Variants in PRKDC observed in about 807,000 individuals in gnomAD.
The protein encoded by PRKDC is DNA-dependent protein kinase catalytic subunit.
A neutral mutation model predicts 486.9 loss-of-function variants in PRKDC; 82 were observed. The observed-to-expected ratio is 0.17, with a 90% CI of 0.14 to 0.20. The LOEUF (loss-of-function observed/expected upper bound fraction) is 0.20, where lower values mean the gene tolerates loss of function less well. Ranked by LOEUF, PRKDC falls within the 10% of genes least tolerant of loss-of-function variation. PRKDC has a pLI of 1.00. For missense variants in PRKDC, 4,504 were observed against 5,038.2 expected, an observed-to-expected ratio of 0.89 and a Z score of 3.21; for synonymous variants, 1,895 against 1,837.0, an observed-to-expected ratio of 1.03 and a Z score of -0.81.
At position 47,953,927 on chromosome 8, in the gene PRKDC, GA is replaced by G. The variant is rs1272144843; in HGVS notation, c.509-9del. Reference sequence around the variant, plus strand: ...CATATACTTTTTCTAAAACTGAAAAGAAAATTTTAGACAAGTGAAGGCCTCA... The same window carrying G: ...CATATACTTTTTCTAAAACTGAAAAGAAATTTTAGACAAGTGAAGGCCTCA... On this transcript the variant is annotated splice_polypyrimidine_tract_variant and intron_variant, in intron 5 of 85. Transcript: ENST00000314191. 1 of 1,498,010 alleles carries G rather than the reference GA, an allele frequency of 6.7e-7. No homozygotes were observed. The allele number at this position is 1,498,010 out of a possible 1,614,324, so 92.8% of individuals were successfully genotyped here.
At chr8:47,949,308 C>A (rs111239141) in intron 7 of PRKDC, among the ~76,000 whole-genome samples, 13 of 152,328 alleles carry the variant, frequency 8.5e-5, no homozygotes, top group African/African-American at 2.9e-4. Flanking sequence ...ACCCTGGTGG[C>A]CATTATTCTC....
At chr8:47,893,117 G>C in intron 31 of PRKDC, 22 bp downstream of exon 31, 1 of 1,565,980 alleles carries the variant, frequency 6.4e-7, no homozygotes, top group Non-Finnish European at 8.7e-7. Context: ...ACACACACCA[G>C]AATAAGGCAA....
chr8:47,812,507 T>G (rs1265271916), intron 68 of PRKDC, among the ~76,000 whole-genome samples: 2 of 152,172 alleles, frequency 1.3e-5, no homozygotes, highest in Non-Finnish European at 2.9e-5. Flanking sequence ...TTAAAACACT[T>G]AAATATTTAA....
Position 47,877,753 on chromosome 8 carries a change from A to G in PRKDC, c.5334T>C (p.Phe1778=). The change falls in exon 40 of 86, where the codon TTT becomes TTC. Residue 1778 remains phenylalanine (F), a synonymous_variant. Transcript: ENST00000314191. ...REQQHVMEEL[F]QSSFRRIARR... ...TGGCAATCCTCCTGAAACTGGATTGAAATAATTCTTCCATGACATGCTGCT... is the reference window on the plus strand; with the variant it reads ...TGGCAATCCTCCTGAAACTGGATTGGAATAATTCTTCCATGACATGCTGCT... 1 of 1,594,796 alleles carries G rather than the reference A, an allele frequency of 6.3e-7. No homozygotes were observed. Among genetic ancestry groups the G allele is most frequent in the South Asian group, 1.1e-5 (1 of 87,604 alleles).
rs372587440 is a variant in PRKDC, at chr8:47,823,961, C to T, written c.8819G>A (p.Arg2940His). 9.3e-6 allele frequency: 15 copies of T among 1,613,182 alleles called. No individual in the cohort carries two copies. Among genetic ancestry groups the T allele is most frequent in the East Asian group, 4.5e-5 (2 of 44,852 alleles). Residue 2940 changes from arginine to histidine, a missense_variant, in exon 64 of 86, where the codon CGT becomes CAT. Physicochemically the swap from Arg to His is conservative, Grantham distance 29. Coordinates refer to ENST00000314191, the MANE Select transcript of PRKDC (RefSeq NM_006904.7). ...YRSIGEYDVLRGIFTSEIGTK... is the reference protein window; with the variant it reads ...YRSIGEYDVLHGIFTSEIGTK... ...TCCTATCTCACTGGTAAAAATCCCA[C>T]GGAGGACGTCGTATTCTCCAATTGA... is the stretch of plus-strand genomic sequence containing the variant.
At chr8:47,913,644 C>T (rs1000183043) in intron 24 of PRKDC, among the ~76,000 whole-genome samples, 10 of 152,136 alleles carry the variant, frequency 6.6e-5, no homozygotes, top group Admixed American at 2.6e-4. Context: ...CTGCCTGCCT[C>T]GGCCTCCCAA....
At position 47,960,118 on chromosome 8, in the gene PRKDC, G is replaced by C; in HGVS notation, c.9C>G (p.Gly3=). The change falls in exon 1 of 86, where the codon GGC becomes GGG. Residue 3 remains glycine, a synonymous_variant. Transcript: ENST00000314191. Reference sequence around the variant, plus strand: ...GGGAGCAACGCACACCGGCTCCGGAGCCCGCCATGCCGCCGAGTCCCGCTC... The same window carrying C: ...GGGAGCAACGCACACCGGCTCCGGACCCCGCCATGCCGCCGAGTCCCGCTC... MA[G]SGAGVRCSLL... 1 of 1,499,662 alleles carries C rather than the reference G, an allele frequency of 6.7e-7. No individual in the cohort carries two copies. Among genetic ancestry groups the C allele is most frequent in the Non-Finnish European group, 8.9e-7 (1 of 1,127,924 alleles). 92.9% of individuals were successfully genotyped at this position (1,499,662 alleles called of 1,614,324 possible). A position where few individuals can be genotyped will look rare whatever the true frequency, so the allele number is the denominator to read the frequency against.
chr8:47,797,207 T>A (rs1022514436), intron 73 of PRKDC, among the ~76,000 whole-genome samples: 2 of 152,222 alleles, frequency 1.3e-5, no homozygotes, highest in Admixed American at 6.5e-5. Context: ...ACTGCACGTG[T>A]CTACTGGGTG....
intron 1 of PRKDC, 22 bp from the exon 2 acceptor site, chr8:47,957,453 CAAGTT>C (rs1306348305): frequency 8.4e-6 from 13 of 1,547,882 alleles, no homozygotes; most frequent in African/African-American, 5.5e-5. Context: ...AATAAGTAAA[CAAGTT>C]AAGAGAGTGC....
Position 47,893,140 on chromosome 8 carries a change from T to A in PRKDC, c.3846A>T (p.Leu1282=). ...CAGAATAAGGCAAGGGTGACCTACC[T>A]AGGACCTGGAGCGCTCCTACAGTTC... ...GERTVGALQV[L]GTEAQSSLLK... is the part of the protein sequence containing the mutation. Residue 1282 remains leucine (L), a splice_region_variant and synonymous_variant, in exon 31 of 86, where the codon CTA becomes CTT. Coordinates refer to ENST00000314191, the MANE Select transcript of PRKDC (RefSeq NM_006904.7). 1 of 1,596,190 alleles carries A rather than the reference T, an allele frequency of 6.3e-7. No homozygotes were observed. The highest frequency in any genetic ancestry group is 1.3e-5 in the African/African-American group (1 of 74,668).
rs773250304 is a variant in PRKDC, at chr8:47,900,356, A to G, written c.3364+17T>C. 1.9e-5 allele frequency: 30 copies of G among 1,588,660 alleles called. No individual in the cohort carries two copies. The highest frequency in any genetic ancestry group is 2.5e-5 in the Non-Finnish European group (29 of 1,166,752). The stretch of plus-strand genomic sequence containing the variant: ...TTCAGACCTGTAACGCACACAGAAC[A>G]CTGAAGCAAAACGTACCTAAGGACT... On this transcript the variant is annotated intron_variant, in intron 28 of 85. Coordinates refer to ENST00000314191, the MANE Select transcript of PRKDC (RefSeq NM_006904.7).
intron 11 of PRKDC, among the ~76,000 whole-genome samples, chr8:47,938,461 A>G (rs1449292974): frequency 1.3e-5 from 2 of 152,040 alleles, no homozygotes; most frequent in Non-Finnish European, 2.9e-5. Flanking sequence ...AAAAAAAGGG[A>G]GAGATTGTAG....
chr8:47,849,700 A>G (rs1456969084), intron 52 of PRKDC, among the ~76,000 whole-genome samples, 197 bp from the exon 53 acceptor site: 3 of 152,098 alleles, frequency 2.0e-5, no homozygotes, highest in Admixed American at 6.5e-5. Flanking sequence ...TAGGCTCTGG[A>G]TCCTTGAGTT....
At chr8:47,932,137 G>A (rs2090268016) in intron 16 of PRKDC, among the ~76,000 whole-genome samples, 1 of 152,048 alleles carries the variant, frequency 6.6e-6, no homozygotes, top group Non-Finnish European at 1.5e-5. Flanking sequence ...AGGCTGGAGT[G>A]CAGTGGTGCA....
At chr8:47,850,270 A>G (rs1272725688) in intron 52 of PRKDC, among the ~76,000 whole-genome samples, 1 of 152,230 alleles carries the variant, frequency 6.6e-6, no homozygotes, top group Admixed American at 6.5e-5. Flanking sequence ...TCAAAGGCAC[A>G]CAGACCGAAC....
At chr8:47,792,024 T>C (rs981913556) in intron 74 of PRKDC, among the ~76,000 whole-genome samples, 4 of 152,082 alleles carry the variant, frequency 2.6e-5, no homozygotes, top group Non-Finnish European at 5.9e-5. Context: ...TAAAAAAGAA[T>C]GAGATCCTGT....
At chr8:47,853,005 T>A (rs1307609088) in intron 51 of PRKDC, among the ~76,000 whole-genome samples, 1 of 152,188 alleles carries the variant, frequency 6.6e-6, no homozygotes, top group Non-Finnish European at 1.5e-5. Flanking sequence ...TGCTGTCCCA[T>A]CATGCAGAAC....
chr8:47,786,511 A>G (rs1156838945), intron 76 of PRKDC, among the ~76,000 whole-genome samples: 1 of 152,138 alleles, frequency 6.6e-6, no homozygotes, highest in Non-Finnish European at 1.5e-5. Flanking sequence ...CTGTGCACTC[A>G]TTGTCTAGTT....
intron 52 of PRKDC, 109 bp from the exon 53 acceptor site, chr8:47,849,612 G>A (rs2088356824): frequency 1.6e-6 from 2 of 1,251,398 alleles, no homozygotes; most frequent in African/African-American, 3.0e-5. Context: ...GGTGCTCAAT[G>A]TTGTCACCTA....
Sources: gnomAD v4.1 joint callset for allele counts (sites outside exome capture counted in the v4.1 genomes callset) on GRCh38, gnomAD v4.1.1 for gene constraint, MANE v1.5 for transcripts, NCBI Gene and HGNC (gene_info 2026-07-23, HGNC 2026-07-21) for gene names.